The following TDP1 variants were observed in gnomAD, a reference collection of about 807,000 sequenced individuals.
TDP1 encodes tyr-DNA phosphodiesterase 1.
In TDP1, 64 loss-of-function variants were observed where a neutral mutation model predicts 81.5. That is an observed-to-expected ratio of 0.79 (90% CI 0.64 to 0.97). The LOEUF (loss-of-function observed/expected upper bound fraction) is 0.97, where lower values mean the gene tolerates loss of function less well. TDP1 is among the 50% of genes least tolerant of loss of function. The probability of loss-of-function intolerance (pLI) is 0.00; values close to 1 mark genes in which losing one functional copy is unlikely to be tolerated. For missense variants in TDP1, 723 were observed against 743.8 expected (o/e 0.97, Z 0.33); for synonymous variants, 256 against 264.3 (o/e 0.97, Z 0.30).
intron 16 of TDP1, among the ~76,000 whole-genome samples, chr14:90,034,700 T>A (rs1468895799): frequency 6.6e-6 from 1 of 152,228 alleles, no homozygotes; most frequent in African/African-American, 2.4e-5. Context: ...GAGGCCCACA[T>A]AGCCAAATTA....
intron 7 of TDP1, among the ~76,000 whole-genome samples, chr14:89,978,377 T>A: frequency 6.6e-6 from 1 of 152,226 alleles, no homozygotes; most frequent in Non-Finnish European, 1.5e-5. Context: ...TGTGAAGACT[T>A]GGTGTGGTAA....
At chr14:90,033,074 T>G (rs768667565) in intron 15 of TDP1, 32 bp from the exon 16 acceptor site, 3 of 1,411,066 alleles carry the variant, frequency 2.1e-6, no homozygotes, top group Non-Finnish European at 3.0e-6. Context: ...GAAAATGGGG[T>G]GCAATCATAG....
At chr14:90,042,829 ATGAGAT>A in intron 16 of TDP1, 7 of 970,726 alleles carry the variant, frequency 7.2e-6, no homozygotes, top group Non-Finnish European at 8.6e-6. Flanking sequence ...GCAATTCAAA[ATGAGAT>A]TTGGATGGGG....
intron 10 of TDP1, chr14:89,988,628 T>C (rs1895832861): frequency 2.0e-6 from 2 of 981,232 alleles, no homozygotes; most frequent in Admixed American, 6.1e-5. Flanking sequence ...TCTTCTGAAA[T>C]GGGCCTTTTT....
At chr14:89,958,011 G>GAGCA (rs1891864321) in intron 2 of TDP1, among the ~76,000 whole-genome samples, 2 of 152,282 alleles carry the variant, frequency 1.3e-5, no homozygotes, top group South Asian at 2.1e-4. Flanking sequence ...GTGAGTGAGT[G>GAGCA]AGCAAGCCTG....
At chr14:89,985,884 G>T (rs558340887) in intron 10 of TDP1, among the ~76,000 whole-genome samples, 1 of 152,040 alleles carries the variant, frequency 6.6e-6, no homozygotes, top group African/African-American at 2.4e-5. Context: ...AAAATTAGCC[G>T]GGCATGATGG....
intron 14 of TDP1, among the ~76,000 whole-genome samples, chr14:89,996,768 G>A (rs1288056259): frequency 6.6e-6 from 1 of 152,224 alleles, no homozygotes; most frequent in African/African-American, 2.4e-5. Context: ...GAAAGGGGCA[G>A]GGGAGAGAAT....
chr14:90,032,459 C>T (rs747292736), intron 15 of TDP1, among the ~76,000 whole-genome samples: 14 of 152,002 alleles, frequency 9.2e-5, no homozygotes, highest in Admixed American at 1.3e-4. Flanking sequence ...GGGGGCACAT[C>T]GGTCATGTGG....
At chr14:89,984,976 T>C in intron 9 of TDP1, 156 bp from the exon 10 acceptor site, 1 of 926,840 alleles carries the variant, frequency 1.1e-6, no homozygotes, top group Non-Finnish European at 1.3e-6. Context: ...CATTAGTTGA[T>C]TTGCTTGAAA....
rs36088288 is a variant in TDP1, at chr14:89,988,421, G to T, written c.1132-484G>T. The stretch of plus-strand genomic sequence containing the variant: ...AGCCCCCATCCTGAAGTTGCCTAGG[G>T]TCTGCCAGCCATCAGTCTCATTAAC... On this transcript the variant is annotated intron_variant, in intron 10 of 16. Coordinates refer to ENST00000335725, the MANE Select transcript of TDP1 (RefSeq NM_018319.4). The T allele has an allele frequency of 4.6e-3, 931 of 201,064 alleles. 6 individuals are homozygous for T. Among genetic ancestry groups the T allele is most frequent in the African/African-American group, 0.021 (893 of 42,326 alleles). 12.5% of individuals were successfully genotyped at this position (201,064 alleles called of 1,614,324 possible).
At chr14:89,964,780 G>A (rs1376410971) in intron 3 of TDP1, 9 of 369,130 alleles carry the variant, frequency 2.4e-5, no homozygotes, top group African/African-American at 4.4e-5. Flanking sequence ...TAAAATAACC[G>A]GCAATTAGCA....
At chr14:89,962,099 T>A (rs1596495107) in intron 2 of TDP1, among the ~76,000 whole-genome samples, 1 of 152,208 alleles carries the variant, frequency 6.6e-6, no homozygotes, top group South Asian at 2.1e-4. Flanking sequence ...AAGTAGAATT[T>A]GACTGTGGGG....
intron 13 of TDP1, chr14:89,993,050 C>T (rs1393865358): frequency 3.1e-5 from 27 of 874,510 alleles, no homozygotes; most frequent in Non-Finnish European, 3.7e-5. Flanking sequence ...TTAAGGAGCT[C>T]ACAGTTCAGG....
At chr14:90,033,522 C>T (rs1481958034) in intron 16 of TDP1, 3 of 385,074 alleles carry the variant, frequency 7.8e-6, no homozygotes, top group Admixed American at 3.6e-5. Flanking sequence ...ATCTACTGAG[C>T]ACCATAGCTT....
At chr14:89,994,097 C>T (rs1896463820) in intron 14 of TDP1, among the ~76,000 whole-genome samples, 1 of 152,172 alleles carries the variant, frequency 6.6e-6, no homozygotes, top group African/African-American at 2.4e-5. Context: ...AAAACTAGAA[C>T]TTTAGTTCCT....
At position 89,966,147 on chromosome 14, in the gene TDP1, A is replaced by G. The variant is rs35271143; in HGVS notation, c.560A>G (p.Asp187Gly). 30 of 1,596,982 alleles carry G rather than the reference A, an allele frequency of 1.9e-5. No individual in the cohort carries two copies. Among genetic ancestry groups the G allele is most frequent in the Non-Finnish European group, 2.3e-5 (27 of 1,164,586 alleles). The change falls in exon 4 of 17, where the codon GAT becomes GGT. Residue 187 changes from aspartate to glycine, a missense_variant and splice_region_variant. Coordinates refer to ENST00000335725, the MANE Select transcript of TDP1 (RefSeq NM_018319.4). The part of the protein sequence containing the change: ...KYNSGALHIK[D>G]ILSPLFGTLV... ...TTTGATATATGTTTTGTCTTCTCAG[A>G]TATTTTATCTCCTTTATTTGGGACG...
chr14:89,981,312 A>AC (rs1481564171), intron 8 of TDP1, among the ~76,000 whole-genome samples: 1 of 152,100 alleles, frequency 6.6e-6, no homozygotes, highest in Non-Finnish European at 1.5e-5. Flanking sequence ...TAAACTACTA[A>AC]CCCTCTGTAC....
rs1041686521 is a variant in TDP1 at position 89,956,652 on chromosome 14, C to T, written c.-156C>T. ...GTGACTCACGCCTGTCATCCTAGCA[C>T]TTTGGGAGGCCGAGGCGGCTGAATC... On this transcript the variant is annotated 5_prime_UTR_variant, in exon 2 of 17. Transcript: ENST00000335725. The T allele has an allele frequency of 6.6e-6, 1 of 152,356 alleles. No homozygotes were observed. Among genetic ancestry groups the T allele is most frequent in the Non-Finnish European group, 1.5e-5 (1 of 68,156 alleles). 9.4% of individuals were successfully genotyped at this position (152,356 alleles called of 1,614,324 possible).
intron 7 of TDP1, among the ~76,000 whole-genome samples, chr14:89,976,150 G>A (rs1894287709): frequency 6.6e-6 from 1 of 152,128 alleles, no homozygotes; most frequent in Non-Finnish European, 1.5e-5. Flanking sequence ...CTGTTGCCCA[G>A]ACTGGAGTGC....
Sources: allele counts gnomAD v4.1 joint callset (sites outside exome capture counted in the v4.1 genomes callset), GRCh38; gene constraint gnomAD v4.1.1; transcripts MANE v1.5; gene names NCBI Gene and HGNC (gene_info 2026-07-23, HGNC 2026-07-21).